The following RNF220 variants were observed in gnomAD, a reference collection of about 807,000 sequenced individuals.
RNF220 encodes E3 ubiquitin-protein ligase RNF220.
A neutral mutation model predicts 67.1 loss-of-function variants in RNF220; 7 were observed. The observed-to-expected ratio is 0.10, with a 90% confidence interval of 0.06 to 0.20. RNF220 has a LOEUF of 0.20. Ranked by LOEUF, RNF220 falls within the 10% of genes least tolerant of loss-of-function variation. RNF220 has a pLI of 1.00. For missense variants in RNF220, 565 were observed against 740.3 expected, an observed-to-expected ratio of 0.76 and a Z score of 2.75; for synonymous variants, 270 against 283.2, an observed-to-expected ratio of 0.95 and a Z score of 0.47.
rs187081431 is a variant in RNF220 at position 44,465,495 on chromosome 1, C to T, written c.625+52773C>T. ...ATGTTTCAGAGGCTGGCCTCAAACTCCCGGGTTCAGGTGATCCTCCTGCCT... is the reference window on the plus strand; with the variant it reads ...ATGTTTCAGAGGCTGGCCTCAAACTTCCGGGTTCAGGTGATCCTCCTGCCT... On this transcript the variant is annotated intron_variant, in intron 2 of 14. Transcript: ENST00000361799. Among the ~76,000 whole-genome samples the T allele has an allele frequency of 7.9e-5, 12 of 151,412 alleles. No individual in the cohort carries two copies. The East Asian group carries it at 2.3e-3, about 29-fold the overall frequency.
At chr1:44,528,061 C>T (rs1660538279) in intron 2 of RNF220, among the ~76,000 whole-genome samples, 1 of 151,506 alleles carries the variant, frequency 6.6e-6, no homozygotes, top group Admixed American at 6.6e-5. Flanking sequence ...AACAAAAGCC[C>T]CACCATAAAC....
intron 2 of RNF220, among the ~76,000 whole-genome samples, chr1:44,469,953 G>A (rs368938045): frequency 6.6e-6 from 1 of 152,188 alleles, no homozygotes; most frequent in Admixed American, 6.5e-5. Flanking sequence ...AGAACAATGG[G>A]AATCCCTTAA....
chr1:44,452,531 G>A (rs1487285034), intron 2 of RNF220, among the ~76,000 whole-genome samples: 1 of 152,136 alleles, frequency 6.6e-6, no homozygotes, highest in Admixed American at 6.5e-5. Context: ...TCCAGCCTGG[G>A]CAACAGAGCG....
intron 2 of RNF220, among the ~76,000 whole-genome samples, chr1:44,610,409 G>A (rs1332488897): frequency 1.3e-5 from 2 of 152,166 alleles, no homozygotes; most frequent in Non-Finnish European, 2.9e-5. Context: ...CTTTAGCACT[G>A]ACAGCCCATC....
chr1:44,632,382 A>G lies in RNF220; in HGVS notation c.946A>G (p.Asn316Asp), dbSNP rs755285021. 3 of 1,613,302 alleles carry G rather than the reference A, an allele frequency of 1.9e-6. No homozygotes were observed. In the Admixed American group the frequency reaches 5.0e-5, roughly 27 times the overall value. Residue 316 changes from asparagine (N) to aspartate (D), a missense_variant, in exon 6 of 15, where the codon AAT becomes GAT. Transcript: ENST00000361799. ...ACGAGCCAACCGGCAGACCCGACTG[A>G]ATGGTGAGTCCTGCCCGGCCCCTCC... ...RVRANRQTRL[N>D]ARIGKMKRRK...
At chr1:44,521,244 G>T (rs922399028) in intron 2 of RNF220, among the ~76,000 whole-genome samples, 3 of 152,160 alleles carry the variant, frequency 2.0e-5, no homozygotes, top group African/African-American at 7.2e-5. Context: ...AACTTTAGCT[G>T]CCCCAGTACA....
At chr1:44,469,957 C>A (rs1398799064) in intron 2 of RNF220, among the ~76,000 whole-genome samples, 1 of 152,138 alleles carries the variant, frequency 6.6e-6, no homozygotes, top group Non-Finnish European at 1.5e-5. Context: ...CAATGGGAAT[C>A]CCTTAAAGGG....
intron 8 of RNF220, among the ~76,000 whole-genome samples, chr1:44,642,977 A>G (rs1573178141): frequency 6.6e-6 from 1 of 152,228 alleles, no homozygotes; most frequent in Non-Finnish European, 1.5e-5. Flanking sequence ...CCACTCACCC[A>G]CAAGGCGGGA....
At chr1:44,614,341 C>T in intron 3 of RNF220, 44 bp downstream of exon 3, 1 of 1,603,422 alleles carries the variant, frequency 6.2e-7, no homozygotes, top group Non-Finnish European at 8.5e-7. Flanking sequence ...GGAGTCCACT[C>T]AGGGTTCTGG....
At position 44,614,381 on chromosome 1, in the gene RNF220, C is replaced by G. The variant is rs1337284040; in HGVS notation, c.758+84C>G. 61 of 1,498,654 alleles carry G rather than the reference C, an allele frequency of 4.1e-5. No individual in the cohort carries two copies. In the East Asian group the frequency reaches 1.2e-3, roughly 31 times the overall value. The allele number at this position is 1,498,654 out of a possible 1,614,324, so 92.8% of individuals were successfully genotyped here. A position where few individuals can be genotyped will look rare whatever the true frequency, so the allele number is the denominator to read the frequency against. On this transcript the variant is annotated intron_variant, in intron 3 of 14. Coordinates refer to ENST00000361799, the MANE Select transcript of RNF220 (RefSeq NM_018150.4). Reference sequence around the variant, plus strand: ...CGGATCCCAGAAGCAGCCGCCTGGCCCATACCCCAGCCCCTCGGGAAAAGA... The same window carrying G: ...CGGATCCCAGAAGCAGCCGCCTGGCGCATACCCCAGCCCCTCGGGAAAAGA...
intron 2 of RNF220, among the ~76,000 whole-genome samples, chr1:44,480,591 G>GA (rs1655709673): frequency 6.6e-6 from 1 of 152,056 alleles, no homozygotes; most frequent in African/African-American, 2.4e-5. Context: ...AACCAAGGAG[G>GA]AAAAAGGAGT....
chr1:44,416,624 C>A (rs1444610268), intron 2 of RNF220, among the ~76,000 whole-genome samples: 1 of 152,242 alleles, frequency 6.6e-6, no homozygotes, highest in East Asian at 1.9e-4. Flanking sequence ...CACCACAGGG[C>A]TGAGAGGGCC....
At chr1:44,458,020 G>A (rs1015882783) in intron 2 of RNF220, among the ~76,000 whole-genome samples, 1 of 152,142 alleles carries the variant, frequency 6.6e-6, no homozygotes, top group African/African-American at 2.4e-5. Context: ...GCTTTGGGAG[G>A]CTGAGGTGGG....
intron 2 of RNF220, among the ~76,000 whole-genome samples, chr1:44,500,776 AG>A (rs1657770592): frequency 6.6e-6 from 1 of 151,460 alleles, no homozygotes; most frequent in Non-Finnish European, 1.5e-5. Context: ...GCTGCTGCTG[AG>A]GGAGGGAGTC....
At chr1:44,635,797 GCT>G in intron 7 of RNF220, 1 of 1,330,476 alleles carries the variant, frequency 7.5e-7, no homozygotes, top group Non-Finnish European at 1.0e-6. Context: ...TCTGACCACT[GCT>G]CTCTCCTTTT....
chr1:44,631,943 C>A (rs1284571447), intron 5 of RNF220: 3 of 989,760 alleles, frequency 3.0e-6, no homozygotes, highest in Non-Finnish European at 3.6e-6. Context: ...ACCCCCAGCG[C>A]GCGACGGCGG....
At chr1:44,497,228 A>G (rs1222894515) in intron 2 of RNF220, among the ~76,000 whole-genome samples, 1 of 152,018 alleles carries the variant, frequency 6.6e-6, no homozygotes, top group Non-Finnish European at 1.5e-5. Flanking sequence ...CATATTTGAT[A>G]TGTTTGTCTC....
At chr1:44,533,580 C>T (rs545947112) in intron 2 of RNF220, among the ~76,000 whole-genome samples, 3 of 152,208 alleles carry the variant, frequency 2.0e-5, no homozygotes, top group Non-Finnish European at 2.9e-5. Flanking sequence ...TACTTGCTTT[C>T]GGCCAGTACT....
chr1:44,455,854 G>A (rs1487751849), intron 2 of RNF220, among the ~76,000 whole-genome samples: 2 of 152,196 alleles, frequency 1.3e-5, no homozygotes, highest in Non-Finnish European at 1.5e-5. Context: ...TCTAGCTCTA[G>A]CACGTGCCAT....
Sources: allele counts gnomAD v4.1 joint callset (sites outside exome capture counted in the v4.1 genomes callset), GRCh38; gene constraint gnomAD v4.1.1; transcripts MANE v1.5; gene names NCBI Gene and HGNC (gene_info 2026-07-23, HGNC 2026-07-21).